SLC5A5: variants seen among roughly 807,000 people sequenced by gnomAD.
SLC5A5 encodes the protein sodium/iodide cotransporter.
Under a neutral mutation model 68.6 loss-of-function variants are expected in SLC5A5, and 56 were observed. The ratio of observed to expected loss-of-function variants is 0.82; its 90% confidence interval spans 0.66 to 1.02. The LOEUF is 1.02. Ranked by LOEUF, SLC5A5 falls within the 50% of genes least tolerant of loss-of-function variation. The pLI is 0.00. For synonymous variants in SLC5A5, 398 were observed against 373.0 expected (o/e 1.07, Z -0.77); for missense variants, 807 against 859.8 (o/e 0.94, Z 0.77).
At chr19:17,881,822 G>A in intron 8 of SLC5A5, 138 bp from the exon 9 acceptor site, 1 of 715,700 alleles carries the variant, frequency 1.4e-6, no homozygotes, top group South Asian at 1.5e-5. Context: ...GGGAGGGGAG[G>A]GGCAAATATC....
chr19:17,882,601 C>T (rs962970414), intron 10 of SLC5A5, among the ~76,000 whole-genome samples: 4 of 151,380 alleles, frequency 2.6e-5, no homozygotes, highest in African/African-American at 9.7e-5. Flanking sequence ...CTGCAACCTC[C>T]ACCCCCTGGG....
At position 17,894,039 on chromosome 19, in the gene SLC5A5, G is replaced by A. The variant is rs1235911655; in HGVS notation, c.*162G>A. The stretch of plus-strand genomic sequence containing the variant: ...TACCCTATGGGGAGGCCCTGCCTCC[G>A]GGAGGTCATTTTTTAAATCCAGCCC... On this transcript the variant is annotated 3_prime_UTR_variant, in exon 15 of 15. Coordinates refer to ENST00000222248, the MANE Select transcript of SLC5A5 (RefSeq NM_000453.3). 7 of 701,412 alleles carry A rather than the reference G, an allele frequency of 1.0e-5. No homozygotes were observed. Among genetic ancestry groups the A allele is most frequent in the Middle Eastern group, 3.9e-4 (1 of 2,532 alleles). 43.4% of individuals were successfully genotyped at this position (701,412 alleles called of 1,614,324 possible).
Position 17,883,875 on chromosome 19 carries a change from G to A in SLC5A5, c.1355G>A (p.Gly452Asp), listed in dbSNP as rs1316163203. Residue 452 changes from glycine (G) to aspartate (D), a missense_variant, in exon 12 of 15, where the codon GGC becomes GAC. Transcript: ENST00000222248. ...GGCGTCCTCGCGGGACTAGGCGCGGGCTTGGCGCTGTCGCTGTGGGTGGCC... is the reference window on the plus strand; with the variant it reads ...GGCGTCCTCGCGGGACTAGGCGCGGACTTGGCGCTGTCGCTGTGGGTGGCC... Reference protein sequence around the residue: ...TPGVLAGLGAGLALSLWVALG... With the variant: ...TPGVLAGLGADLALSLWVALG... 1 of 1,582,794 alleles carries A rather than the reference G, an allele frequency of 6.3e-7. No homozygotes were observed. Among genetic ancestry groups the A allele is most frequent in the African/African-American group, 1.3e-5 (1 of 74,258 alleles).
intron 12 of SLC5A5, among the ~76,000 whole-genome samples, chr19:17,886,672 G>A (rs73022605): frequency 0.035 from 5,386 of 152,116 alleles, 129 homozygotes; most frequent in Non-Finnish European, 0.054. Context: ...TTTACATTCC[G>A]ACCAGCAACA....
intron 14 of SLC5A5, among the ~76,000 whole-genome samples, chr19:17,891,843 T>C (rs2030183703): frequency 6.6e-6 from 1 of 152,172 alleles, no homozygotes; most frequent in Admixed American, 6.6e-5. Flanking sequence ...CCCTGTTCCA[T>C]TCTCTCATTT....
chr19:17,880,667 G>A lies in SLC5A5; in HGVS notation c.970-198G>A, dbSNP rs531909190. The stretch of plus-strand genomic sequence containing the variant: ...GCCACATTCATGGGACTGCACTCCC[G>A]CCTGGGCAACAGAGCAAGATCTTTT... On this transcript the variant is annotated intron_variant, in intron 7 of 14. Coordinates refer to ENST00000222248, the MANE Select transcript of SLC5A5 (RefSeq NM_000453.3). Among the ~76,000 whole-genome samples, 6 of 152,274 alleles carry A rather than the reference G, an allele frequency of 3.9e-5. No individual in the cohort carries two copies. In the East Asian group the frequency reaches 1.2e-3, roughly 29 times the overall value.
rs976853778 is a variant in SLC5A5, at chr19:17,883,919, C to G, written c.1399C>G (p.Pro467Ala). 2.0e-5 allele frequency: 31 copies of G among 1,565,472 alleles called. No individual in the cohort carries two copies. The highest frequency in any genetic ancestry group is 2.7e-5 in the Non-Finnish European group (31 of 1,156,714). Residue 467 changes from proline (P) to alanine (A), a missense_variant, in exon 12 of 15, where the codon CCA becomes GCA. Transcript: ENST00000222248. ...GGTGGCCTTGGGCGCCACGCTGTAC[C>G]CACCCAGCGAGCAGACCATGAGGGT... ...LWVALGATLY[P>A]PSEQTMRVLP...
At chr19:17,893,657 G>A (rs1002286983) in intron 14 of SLC5A5, 56 bp from the exon 15 acceptor site, 56 of 1,571,534 alleles carry the variant, frequency 3.6e-5, no homozygotes, top group Admixed American at 2.7e-4. Flanking sequence ...GAGCTGACAC[G>A]GAACAGGGTG....
intron 7 of SLC5A5, among the ~76,000 whole-genome samples, chr19:17,880,308 A>G (rs2094317793): frequency 6.7e-6 from 1 of 150,188 alleles, no homozygotes. Flanking sequence ...TCTACCTCTC[A>G]GATTCAGGCA....
chr19:17,887,090 A>T (rs2147749186), intron 12 of SLC5A5, among the ~76,000 whole-genome samples: 1 of 152,202 alleles, frequency 6.6e-6, no homozygotes, highest in African/African-American at 2.4e-5. Context: ...TAAAAAACAA[A>T]CAAACAAAAA....
chr19:17,872,317 C>T lies in SLC5A5; in HGVS notation c.-3C>T, dbSNP rs1816063429. On this transcript the variant is annotated 5_prime_UTR_variant, in exon 1 of 15. Transcript: ENST00000222248. Reference sequence around the variant, plus strand: ...GACGCGCTGGGCCTCCGCACCCGCCCTCATGGAGGCCGTGGAGACCGGGGA... The same window carrying T: ...GACGCGCTGGGCCTCCGCACCCGCCTTCATGGAGGCCGTGGAGACCGGGGA... 6.3e-7 allele frequency: 1 copy of T among 1,576,062 alleles called. No individual in the cohort carries two copies. The highest frequency in any genetic ancestry group is 1.8e-5 in the Admixed American group (1 of 54,380).
At position 17,872,314 on chromosome 19, in the gene SLC5A5, G is replaced by A. The variant is rs764570350; in HGVS notation, c.-6G>A. On this transcript the variant is annotated 5_prime_UTR_variant, in exon 1 of 15. Transcript: ENST00000222248. ...GAGGACGCGCTGGGCCTCCGCACCC[G>A]CCCTCATGGAGGCCGTGGAGACCGG... 3.0e-6 allele frequency: 4 copies of A among 1,333,890 alleles called. No homozygotes were observed. Among genetic ancestry groups the A allele is most frequent in the Non-Finnish European group, 4.0e-6 (4 of 1,009,626 alleles). The allele number at this position is 1,333,890 out of a possible 1,614,324, so 82.6% of individuals were successfully genotyped here.
chr19:17,878,394 A>G (rs1191768781), intron 7 of SLC5A5, among the ~76,000 whole-genome samples: 2 of 152,022 alleles, frequency 1.3e-5, no homozygotes, highest in African/African-American at 4.8e-5. Context: ...AGTCCCGGCT[A>G]CTCAGGAGGC....
In SLC5A5 at chr19:17,872,255, G is replaced by A; in HGVS notation, c.-65G>A. 1 of 695,572 alleles carries A rather than the reference G, an allele frequency of 1.4e-6. No individual in the cohort carries two copies. The allele number at this position is 695,572 out of a possible 1,614,324, so 43.1% of individuals were successfully genotyped here. The stretch of plus-strand genomic sequence containing the variant: ...TCCCCGTCCTGCCTCCTCGGCCCCT[G>A]CCAGCTTCCCCCGCTTGAGCACGCA... On this transcript the variant is annotated 5_prime_UTR_variant, in exon 1 of 15. Coordinates refer to ENST00000222248, the MANE Select transcript of SLC5A5 (RefSeq NM_000453.3).
chr19:17,876,894 G>A (rs2094308801), intron 5 of SLC5A5, among the ~76,000 whole-genome samples: 1 of 151,656 alleles, frequency 6.6e-6, no homozygotes, highest in African/African-American at 2.4e-5. Context: ...GCAGGGCGTG[G>A]TGGCGCATGC....
At chr19:17,875,578 C>A (rs937799207) in intron 4 of SLC5A5, among the ~76,000 whole-genome samples, 11 of 102,892 alleles carry the variant, frequency 1.1e-4, no homozygotes, top group African/African-American at 4.1e-4. Flanking sequence ...GCCTAGGCAA[C>A]ATAGTGAGAC....
intron 2 of SLC5A5, 105 bp downstream of exon 2, chr19:17,874,308 C>G: frequency 2.9e-6 from 2 of 683,554 alleles, no homozygotes; most frequent in South Asian, 3.0e-5. Context: ...GCCCCCCATG[C>G]TCCCGTTCTG....
intron 4 of SLC5A5, among the ~76,000 whole-genome samples, chr19:17,875,587 A>AC (rs59128676): frequency 0.042 from 6,027 of 144,230 alleles, 243 homozygotes; most frequent in East Asian, 0.18. Context: ...ACATAGTGAG[A>AC]CCCCCCCCCG....
In SLC5A5 at chr19:17,872,624, C is replaced by A; in HGVS notation, c.305C>A (p.Ala102Asp). ...LGQLLNSVLTALLFMPVFYRL... is the reference protein window; with the variant it reads ...LGQLLNSVLTDLLFMPVFYRL... ...CAGCTTCTGAACTCGGTCCTCACCG[C>A]CCTGCTCTTCATGCCCGTCTTCTAC... Residue 102 changes from alanine (A) to aspartate (D), a missense_variant, in exon 1 of 15, where the codon GCC becomes GAC. Ala to Asp is a moderately radical substitution (Grantham distance 126, BLOSUM62 -2). Coordinates refer to ENST00000222248, the MANE Select transcript of SLC5A5 (RefSeq NM_000453.3). The A allele has an allele frequency of 6.2e-7, 1 of 1,611,642 alleles. No homozygotes were observed. Among genetic ancestry groups the A allele is most frequent in the Non-Finnish European group, 8.5e-7 (1 of 1,179,670 alleles).
Sources: allele counts gnomAD v4.1 joint callset (sites outside exome capture counted in the v4.1 genomes callset), GRCh38; gene constraint gnomAD v4.1.1; transcripts MANE v1.5; gene names NCBI Gene and HGNC (gene_info 2026-07-23, HGNC 2026-07-21).